MGST1: variants seen among roughly 807,000 people sequenced by gnomAD.
MGST1 encodes the protein microsomal glutathione S-transferase 1.
In MGST1, 5 loss-of-function variants were observed where a neutral mutation model predicts 8.9. That is an observed-to-expected ratio of 0.56 (90% CI 0.29 to 1.19). The LOEUF is 1.19. Ranked by LOEUF, MGST1 falls within the 50% of genes most tolerant of loss-of-function variation. The probability of loss-of-function intolerance (pLI) is 0.08; values close to 1 mark genes in which losing one functional copy is unlikely to be tolerated. For missense variants in MGST1, 182 were observed against 187.4 expected (o/e 0.97, Z 0.17); for synonymous variants, 54 against 67.8 (o/e 0.80, Z 1.00).
At chr12:16,408,028 C>G (rs1269984659) in intron 1 of MGST1, among the ~76,000 whole-genome samples, 2 of 64,596 alleles carry the variant, frequency 3.1e-5, no homozygotes, top group African/African-American at 6.3e-5. Context: ...AAGACTCTGT[C>G]TCAAAAAAAA....
At chr12:16,414,288 A>G (rs1426979493) in intron 1 of MGST1, among the ~76,000 whole-genome samples, 1 of 150,394 alleles carries the variant, frequency 6.6e-6, no homozygotes, top group East Asian at 1.9e-4. Flanking sequence ...TAATTGGTAA[A>G]CCATTTATTA....
At chr12:16,521,638 G>A (rs753050171) in intron 4 of MGST1, among the ~76,000 whole-genome samples, 2 of 152,138 alleles carry the variant, frequency 1.3e-5, no homozygotes, top group Non-Finnish European at 2.9e-5. Context: ...TTTTGTGTGT[G>A]TGTGGTTTTC....
At chr12:16,480,386 C>G (rs1941356716) in intron 4 of MGST1, among the ~76,000 whole-genome samples, 1 of 151,996 alleles carries the variant, frequency 6.6e-6, no homozygotes, top group African/African-American at 2.4e-5. Context: ...TGTGATCTGC[C>G]CATCTCAATC....
intron 4 of MGST1, among the ~76,000 whole-genome samples, chr12:16,557,039 TCTC>T (rs1366447912): frequency 6.6e-6 from 1 of 152,208 alleles, no homozygotes; most frequent in Non-Finnish European, 1.5e-5. Flanking sequence ...TTGACTGAGT[TCTC>T]CTGAGGAGAC....
intron 4 of MGST1, among the ~76,000 whole-genome samples, chr12:16,453,022 G>C (rs1941142499): frequency 6.6e-6 from 1 of 151,886 alleles, no homozygotes; most frequent in Non-Finnish European, 1.5e-5. Context: ...TAATTTAACA[G>C]GATTCACATC....
intron 4 of MGST1, among the ~76,000 whole-genome samples, chr12:16,468,123 T>A (rs144227688): frequency 1.3e-3 from 193 of 152,268 alleles, no homozygotes; most frequent in East Asian, 1.2e-3. Flanking sequence ...TTGAGGAAGA[T>A]TCAGAAGCTC....
At chr12:16,495,209 G>A (rs1026610337) in intron 4 of MGST1, among the ~76,000 whole-genome samples, 1 of 152,038 alleles carries the variant, frequency 6.6e-6, no homozygotes, top group African/African-American at 2.4e-5. Context: ...ATGAATTAAT[G>A]CAGGAACAGA....
intron 1 of MGST1, among the ~76,000 whole-genome samples, chr12:16,404,145 A>G (rs1362651429): frequency 6.6e-6 from 1 of 152,226 alleles, no homozygotes; most frequent in Admixed American, 6.5e-5. Context: ...AATAATACAT[A>G]CAAGTATATC....
chr12:16,469,106 C>T (rs1186865791), intron 4 of MGST1, among the ~76,000 whole-genome samples: 1 of 151,640 alleles, frequency 6.6e-6, no homozygotes, highest in African/African-American at 2.4e-5. Flanking sequence ...AGTGAGATTG[C>T]ATTCTGTGAT....
chr12:16,360,722 GA>G (rs1168219817), intron 3 of MGST1, among the ~76,000 whole-genome samples: 1 of 152,170 alleles, frequency 6.6e-6, no homozygotes, highest in African/African-American at 2.4e-5. Context: ...GAGACATTTA[GA>G]ATATATTCCC....
chr12:16,545,535 T>C (rs1227957043), intron 4 of MGST1, among the ~76,000 whole-genome samples: 2 of 152,058 alleles, frequency 1.3e-5, no homozygotes. Flanking sequence ...ACAAATAGTA[T>C]ACTTGTTGTA....
chr12:16,442,840 G>T (rs895909933), downstream of MGST1, among the ~76,000 whole-genome samples: 2 of 151,462 alleles, frequency 1.3e-5, no homozygotes, highest in Non-Finnish European at 1.5e-5. This position sits in a 1 kb window ranked among gnomAD's most constrained non-coding sequence, Gnocchi z 4.5. Context: ...GGGACAATTG[G>T]GTTAAAATAT....
At position 16,504,013 on chromosome 12, in the gene MGST1, G is replaced by C. The variant is rs895044854; in HGVS notation, n.483-85515G>C. 3.3e-5 allele frequency among the ~76,000 whole-genome samples: 5 copies of C among 152,204 alleles called. No individual in the cohort carries two copies. The East Asian group carries it at 9.7e-4, about 30-fold the overall frequency. On this transcript the variant is annotated intron_variant and non_coding_transcript_variant, in intron 4 of 4. Transcript: ENST00000538857. ...TGTCTAACACTTCCGGCTCACCCTT[G>C]AATTCTTTCCTGGGAGAAACCAAAA...
At chr12:16,481,325 G>C (rs576938032) in intron 4 of MGST1, among the ~76,000 whole-genome samples, 14 of 152,248 alleles carry the variant, frequency 9.2e-5, no homozygotes, top group African/African-American at 3.4e-4. Flanking sequence ...TTTCTGGTAA[G>C]CATTCTCTCA....
Position 16,576,179 on chromosome 12 carries a change from A to G in MGST1, n.483-13349A>G, listed in dbSNP as rs1942990991. On this transcript the variant is annotated intron_variant and non_coding_transcript_variant, in intron 4 of 4. Coordinates refer to the MGST1 transcript ENST00000538857. This position sits in a 1 kb window ranked among gnomAD's most constrained non-coding sequence, Gnocchi z 4.1. ...GTCCGCCTTCCACTCTGCAGCCGGT[A>G]GCCTTTCTATAACACAGCTCCAACC... 6.6e-6 allele frequency among the ~76,000 whole-genome samples: 1 copy of G among 152,164 alleles called. No homozygotes were observed. Among genetic ancestry groups the G allele is most frequent in the Non-Finnish European group, 1.5e-5 (1 of 68,034 alleles).
downstream of MGST1, among the ~76,000 whole-genome samples, chr12:16,592,602 A>G (rs1019987469): frequency 6.6e-6 from 1 of 152,006 alleles, no homozygotes; most frequent in African/African-American, 2.4e-5. Flanking sequence ...GTAAAGGAAC[A>G]GGTACTGATC....
rs1218010855 is a variant in MGST1, at chr12:16,458,382, G to A, written n.482+74778G>A. 6.6e-6 allele frequency among the ~76,000 whole-genome samples: 1 copy of A among 151,984 alleles called. No individual in the cohort carries two copies. The highest frequency in any genetic ancestry group is 1.5e-5 in the Non-Finnish European group (1 of 67,974). The stretch of plus-strand genomic sequence containing the variant: ...TTATTGATCTCTCCTTCTGAAAGTT[G>A]TAATTGAGCATAGATGTTGGACCCA... On this transcript the variant is annotated intron_variant and non_coding_transcript_variant, in intron 4 of 4. Coordinates refer to the MGST1 transcript ENST00000538857. The surrounding 1 kb of genome is among the most constrained non-coding windows in gnomAD (Gnocchi z 4.0).
chr12:16,396,607 T>C (rs1009537374), intron 1 of MGST1, among the ~76,000 whole-genome samples: 11 of 151,998 alleles, frequency 7.2e-5, no homozygotes, highest in African/African-American at 2.2e-4. Context: ...ACAAAATTAA[T>C]ATACATAAAT....
rs141107765 is a variant in MGST1, at chr12:16,514,951, A to G, written n.483-74577A>G. 1.1e-4 allele frequency among the ~76,000 whole-genome samples: 17 copies of G among 152,358 alleles called. 1 individual carries two copies. The East Asian group carries it at 3.1e-3, about 28-fold the overall frequency. The stretch of plus-strand genomic sequence containing the variant: ...AAGAGTTTACATGTGCAAGAAAGTC[A>G]TCACACAAGGAAACCTGTCAATTAT... On this transcript the variant is annotated intron_variant and non_coding_transcript_variant, in intron 4 of 4. Coordinates refer to the MGST1 transcript ENST00000538857.
Sources: gnomAD v4.1 joint callset for allele counts (sites outside exome capture counted in the v4.1 genomes callset) on GRCh38, gnomAD v4.1.1 for gene constraint, Gnocchi (gnomAD v3.1) non-coding constraint, MANE v1.5 for transcripts, NCBI Gene and HGNC (gene_info 2026-07-23, HGNC 2026-07-21) for gene names.